The following MROH2B variants were observed in gnomAD, a reference collection of about 807,000 sequenced individuals.
The protein encoded by MROH2B is maestro heat like repeat family member 2B.
Under a neutral mutation model 208.6 loss-of-function variants are expected in MROH2B, and 177 were observed. That is an observed-to-expected ratio of 0.85 (90% CI 0.75 to 0.96). The LOEUF (loss-of-function observed/expected upper bound fraction) is 0.96, where lower values mean the gene tolerates loss of function less well. Ranked by LOEUF, MROH2B falls within the 40% of genes least tolerant of loss-of-function variation. MROH2B has a pLI of 0.00. For synonymous variants in MROH2B, 728 were observed against 659.0 expected (o/e 1.10, Z -1.60); for missense variants, 2,002 against 1,878.7 (o/e 1.07, Z -1.21).
chr5:41,060,734 G>T (rs767356495), intron 6 of MROH2B, among the ~76,000 whole-genome samples: 2 of 152,194 alleles, frequency 1.3e-5, no homozygotes, highest in African/African-American at 2.4e-5. Context: ...AGCAAGGAGA[G>T]TAGTCGTTAA....
In MROH2B at chr5:41,017,909, G is replaced by A; in HGVS notation, c.2825C>T (p.Thr942Ile). Residue 942 changes from threonine (T) to isoleucine (I), a missense_variant, in exon 28 of 42, where the codon ACC (threonine) becomes ATC (isoleucine). By Grantham distance (89) the Thr-to-Ile change is moderately conservative. Transcript: ENST00000399564. ...AGCCGCCTGACGGATGGTGGGCAGGGTATCACAGGAGTGAGGAGCCAGAAG... is the reference window on the plus strand; with the variant it reads ...AGCCGCCTGACGGATGGTGGGCAGGATATCACAGGAGTGAGGAGCCAGAAG... ...LGLLAPHSCD[T>I]LPTIRQAAAS... 1 of 1,587,746 alleles carries A rather than the reference G, an allele frequency of 6.3e-7. No homozygotes were observed.
Position 41,018,426 on chromosome 5 carries a change from A to G in MROH2B, c.2678T>C (p.Leu893Pro). ...TTTTTGTGAAACAAGCCACATTTGG[A>G]GAAGCTGTTGGTCAAAGAATAAATG... ...AEDCQEMFNLLQMWLVSQKEW... is the reference protein window; with the variant it reads ...AEDCQEMFNLPQMWLVSQKEW... The change falls in exon 27 of 42, where the codon CTC becomes CCC. Residue 893 changes from leucine (L) to proline (P), a missense_variant. Coordinates refer to ENST00000399564, the MANE Select transcript of MROH2B (RefSeq NM_173489.5). 1.2e-6 allele frequency: 2 copies of G among 1,612,414 alleles called. No homozygotes were observed. The highest frequency in any genetic ancestry group is 1.7e-6 in the Non-Finnish European group (2 of 1,179,370).
chr5:41,057,138 A>G lies in MROH2B; in HGVS notation c.890T>C (p.Met297Thr). 1 of 1,613,986 alleles carries G rather than the reference A, an allele frequency of 6.2e-7. No individual in the cohort carries two copies. The highest frequency in any genetic ancestry group is 8.5e-7 in the Non-Finnish European group (1 of 1,179,874). Reference protein sequence around the residue: ...APEPPVKENEMKASSCFLILA... With the variant: ...APEPPVKENETKASSCFLILA... ...AATGAGAAAACAGCTTGAAGCTTTC[A>G]TTTCATTTTCCTTTACTGGAGGCTC... The change falls in exon 9 of 42, where the codon ATG becomes ACG. Residue 297 changes from methionine (M) to threonine (T), a missense_variant. Met to Thr is a moderately conservative substitution (Grantham distance 81). Coordinates refer to ENST00000399564, the MANE Select transcript of MROH2B (RefSeq NM_173489.5).
chr5:41,049,065 A>C (rs1743205914), intron 15 of MROH2B, 36 bp downstream of exon 15: 1 of 1,567,590 alleles, frequency 6.4e-7, no homozygotes. Context: ...TATCAGCTTA[A>C]ATTTGTTCTA....
At position 41,015,471 on chromosome 5, in the gene MROH2B, G is replaced by GT; in HGVS notation, c.2891dup (p.His964GlnfsTer17). Reference sequence around the variant, plus strand: ...AACCCTGCAGTCTTTCCACTTCCAAGTGAATGCCTAAAATCAACAAAGTGA... The same window carrying GT: ...AACCCTGCAGTCTTTCCACTTCCAAGTTGAATGCCTAAAATCAACAAAGTGA... On this transcript the variant is annotated frameshift_variant, in exon 29 of 42. Transcript: ENST00000399564. LOFTEE classifies it high-confidence loss of function. 1 of 1,613,334 alleles carries GT rather than the reference G, an allele frequency of 6.2e-7. No homozygotes were observed.
intron 24 of MROH2B, among the ~76,000 whole-genome samples, chr5:41,025,482 C>T (rs1483528018): frequency 1.3e-5 from 2 of 151,992 alleles, no homozygotes; most frequent in African/African-American, 2.4e-5. Flanking sequence ...AAGACAAAAC[C>T]AGGAAGAAGT....
At chr5:41,020,951 T>C (rs930985021) in intron 24 of MROH2B, among the ~76,000 whole-genome samples, 6 of 152,110 alleles carry the variant, frequency 3.9e-5, no homozygotes, top group Admixed American at 2.6e-4. Flanking sequence ...CCAGAGCAAT[T>C]AGGCAAGGAA....
intron 24 of MROH2B, 33 bp from the exon 25 acceptor site, chr5:41,019,051 T>C (rs1742056699): frequency 6.2e-7 from 1 of 1,612,952 alleles, no homozygotes; most frequent in Admixed American, 1.7e-5. Flanking sequence ...GAATGGATAT[T>C]ACAGTGACCA....
chr5:41,050,765 T>C (rs1743260233), intron 13 of MROH2B, among the ~76,000 whole-genome samples: 1 of 152,192 alleles, frequency 6.6e-6, no homozygotes, highest in African/African-American at 2.4e-5. Context: ...TCATGAACTA[T>C]CCAGATGTAA....
intron 18 of MROH2B, among the ~76,000 whole-genome samples, chr5:41,042,831 C>T (rs1483879997): frequency 6.6e-6 from 1 of 152,184 alleles, no homozygotes; most frequent in African/African-American, 2.4e-5. Flanking sequence ...TCTCAGACTC[C>T]TGGCCTCAAG....
At chr5:41,056,488 G>A (rs1333403606) in intron 9 of MROH2B, among the ~76,000 whole-genome samples, 1 of 152,098 alleles carries the variant, frequency 6.6e-6, no homozygotes, top group East Asian at 1.9e-4. Flanking sequence ...TTGGGGGAGT[G>A]CAGAGGTCCA....
chr5:41,045,545 C>T (rs1743088134), intron 18 of MROH2B, among the ~76,000 whole-genome samples: 1 of 152,120 alleles, frequency 6.6e-6, no homozygotes, highest in African/African-American at 2.4e-5. Context: ...TACCTGTGGC[C>T]ATATGAGTAA....
At position 41,054,363 on chromosome 5, in the gene MROH2B, A is replaced by G. The variant is rs369085946; in HGVS notation, c.1107+404T>C. Among the ~76,000 whole-genome samples the G allele has an allele frequency of 1.1e-3, 175 of 152,324 alleles. 1 individual carries two copies. The South Asian group carries it at 0.015, about 13-fold the overall frequency. On this transcript the variant is annotated intron_variant, in intron 11 of 41. Transcript: ENST00000399564. ...AGGTAGAGTCTGGTTGGAAAGTAGGATGTCTATGCTAAGACCAAGGTTTAG... is the reference window on the plus strand; with the variant it reads ...AGGTAGAGTCTGGTTGGAAAGTAGGGTGTCTATGCTAAGACCAAGGTTTAG...
chr5:41,057,072 A>T, intron 9 of MROH2B, 37 bp downstream of exon 9: 1 of 1,602,458 alleles, frequency 6.2e-7, no homozygotes, highest in African/African-American at 1.3e-5. Flanking sequence ...TCACTTGGGG[A>T]CATTTTTATT....
rs1741379386 is a variant in MROH2B, at chr5:41,000,932, A to G, written c.4195-99T>C. 4 of 1,339,988 alleles carry G rather than the reference A, an allele frequency of 3.0e-6. No homozygotes were observed. In the Admixed American group the frequency reaches 1.1e-4, roughly 38 times the overall value. 83.0% of individuals were successfully genotyped at this position (1,339,988 alleles called of 1,614,324 possible). On this transcript the variant is annotated intron_variant, in intron 37 of 41. Coordinates refer to ENST00000399564, the MANE Select transcript of MROH2B (RefSeq NM_173489.5). ...ATCCCACCCTTCCCGCTTCAGCAAAAGAAGGCTGGAACCCAGGCACTTGTC... is the reference window on the plus strand; with the variant it reads ...ATCCCACCCTTCCCGCTTCAGCAAAGGAAGGCTGGAACCCAGGCACTTGTC...
intron 28 of MROH2B, among the ~76,000 whole-genome samples, chr5:41,016,409 T>C (rs1372331402): frequency 6.6e-6 from 1 of 151,168 alleles, no homozygotes; most frequent in Non-Finnish European, 1.5e-5. Flanking sequence ...TGAAGTGGGC[T>C]AAAGGAAAAA....
chr5:41,012,458 G>A, intron 30 of MROH2B, 125 bp downstream of exon 30: 1 of 937,908 alleles, frequency 1.1e-6, no homozygotes, highest in Non-Finnish European at 1.5e-6. Flanking sequence ...TCTCTAATGA[G>A]GCCTCTTGAG....
chr5:41,004,804 G>A lies in MROH2B; in HGVS notation c.3981C>T (p.Leu1327=), dbSNP rs759114326. Residue 1327 remains leucine (L), a synonymous_variant, in exon 36 of 42, where the codon CTC becomes CTT. Coordinates refer to ENST00000399564, the MANE Select transcript of MROH2B (RefSeq NM_173489.5). Reference sequence around the variant, plus strand: ...GAGGAGCCCCGGATGCTGTGTTGCCGAGCCCTCGGATGGCCATCTGCCTCA... The same window carrying A: ...GAGGAGCCCCGGATGCTGTGTTGCCAAGCCCTCGGATGGCCATCTGCCTCA... The part of the protein sequence containing the change: ...ATLRQMAIRG[L]GNTASGAPHK... 4.3e-6 allele frequency: 7 copies of A among 1,613,768 alleles called. No individual in the cohort carries two copies. Among genetic ancestry groups the A allele is most frequent in the Admixed American group, 3.3e-5 (2 of 60,004 alleles).
rs761632624 is a variant in MROH2B, at chr5:41,032,804, C to A, written c.2379G>T (p.Glu793Asp). 12 of 1,612,024 alleles carry A rather than the reference C, an allele frequency of 7.4e-6. No individual in the cohort carries two copies. Among genetic ancestry groups the A allele is most frequent in the Non-Finnish European group, 9.3e-6 (11 of 1,178,998 alleles). Residue 793 changes from glutamate to aspartate, a missense_variant, in exon 24 of 42, where the codon GAG becomes GAT. Coordinates refer to ENST00000399564, the MANE Select transcript of MROH2B (RefSeq NM_173489.5). ...IGYMLDFIRDEPLDSLASPIR... is the reference protein window; with the variant it reads ...IGYMLDFIRDDPLDSLASPIR... ...TAGGGCTAGCTAAGGAATCCAGGGGCTCGTCTCTAATGAAGTCCTGAAACA... is the reference window on the plus strand; with the variant it reads ...TAGGGCTAGCTAAGGAATCCAGGGGATCGTCTCTAATGAAGTCCTGAAACA...
Sources: allele counts gnomAD v4.1 joint callset (sites outside exome capture counted in the v4.1 genomes callset), GRCh38; gene constraint gnomAD v4.1.1; transcripts MANE v1.5; gene names NCBI Gene and HGNC (gene_info 2026-07-23, HGNC 2026-07-21).